The following ASGR1 variants were observed in gnomAD, a reference collection of about 807,000 sequenced individuals.
ASGR1 encodes the protein asialoglycoprotein receptor 1.
ASGR1 carries 35 observed loss-of-function variants against 33.1 expected under a neutral mutation model. That is an observed-to-expected ratio of 1.06 (90% CI 0.81 to 1.40). The LOEUF (loss-of-function observed/expected upper bound fraction) is 1.40. Ranked by LOEUF, ASGR1 falls within the 40% of genes most tolerant of loss-of-function variation. The pLI is 0.00. For missense variants in ASGR1, 396 were observed against 373.7 expected, an observed-to-expected ratio of 1.06 and a Z score of -0.49; for synonymous variants, 142 against 152.5, an observed-to-expected ratio of 0.93 and a Z score of 0.51.
intron 5 of ASGR1, among the ~76,000 whole-genome samples, chr17:7,175,662 CAT>C (rs556730714): frequency 1.0e-3 from 154 of 151,190 alleles, no homozygotes; most frequent in African/African-American, 3.2e-3. Context: ...TTCTCACACA[CAT>C]AAACACAGAC....
chr17:7,174,982 TAC>T (rs2142761342), intron 5 of ASGR1, among the ~76,000 whole-genome samples: 1 of 110,294 alleles, frequency 9.1e-6, no homozygotes, highest in Admixed American at 9.0e-5. Context: ...TACACACACA[TAC>T]ATAGACACAA....
At chr17:7,176,482 CACTCTA>C in intron 5 of ASGR1, 1 of 441,374 alleles carries the variant, frequency 2.3e-6, no homozygotes, top group Non-Finnish European at 4.1e-6. Flanking sequence ...GTCTCACACA[CACTCTA>C]TCTCATTCTC....
intron 5 of ASGR1, among the ~76,000 whole-genome samples, chr17:7,175,459 CAT>C (rs2069186291): frequency 6.7e-6 from 1 of 149,820 alleles, no homozygotes; most frequent in African/African-American, 2.5e-5. Flanking sequence ...CACACCCACA[CAT>C]ACAACACACC....
chr17:7,174,541 T>A, intron 5 of ASGR1, 81 bp from the exon 6 acceptor site: 2 of 1,450,074 alleles, frequency 1.4e-6, no homozygotes, highest in Admixed American at 2.0e-5. Flanking sequence ...CAGCCCTACA[T>A]CCTCCTGCTG....
At chr17:7,174,655 C>G (rs113135418) in intron 5 of ASGR1, among the ~76,000 whole-genome samples, 195 bp from the exon 6 acceptor site, 3,000 of 150,958 alleles carry the variant, frequency 0.02, 48 homozygotes, top group South Asian at 0.081. Flanking sequence ...CACACCCTTA[C>G]ACACACACTC....
Position 7,173,848 on chromosome 17 carries a change from A to G in ASGR1, c.702-15T>C. 6.2e-7 allele frequency: 1 copy of G among 1,608,360 alleles called. No homozygotes were observed. Among genetic ancestry groups the G allele is most frequent in the Non-Finnish European group, 8.5e-7 (1 of 1,178,078 alleles). On this transcript the variant is annotated splice_polypyrimidine_tract_variant and intron_variant, in intron 8 of 8. Transcript: ENST00000269299. This position sits in a 1 kb window ranked among gnomAD's most constrained non-coding sequence, Gnocchi z 4.7. ...GCCTCCAGTTCCTGGGGACAGAGCC[A>G]GCTGTGGGCCCCAGGAGGTCGGATC...
At chr17:7,177,493 A>C (rs2069232046) in intron 2 of ASGR1, 167 bp from the exon 3 acceptor site, 3 of 591,182 alleles carry the variant, frequency 5.1e-6, no homozygotes, top group Admixed American at 6.1e-5. Flanking sequence ...GGCAACTGGA[A>C]ATCGGGGAGA....
Position 7,173,975 on chromosome 17 carries a change from G to A in ASGR1, c.687C>T (p.Tyr229=), listed in dbSNP as rs1317559592. ...CGCGCACTCACTTGAAGCCCGTCTC[G>A]TAGTCCGTCCCGTCCACCCACTTCC... ...GPWKWVDGTD[Y]ETGFKNWRPE... The change falls in exon 8 of 9, where the codon TAC becomes TAT. Residue 229 remains tyrosine (Y), a synonymous_variant. Coordinates refer to ENST00000269299, the MANE Select transcript of ASGR1 (RefSeq NM_001671.5). The surrounding 1 kb of genome is among the most constrained non-coding windows in gnomAD (Gnocchi z 4.7). The A allele has an allele frequency of 6.2e-7, 1 of 1,614,090 alleles. No individual in the cohort carries two copies. Among genetic ancestry groups the A allele is most frequent in the Non-Finnish European group, 8.5e-7 (1 of 1,180,018 alleles).
rs746240744 is a variant in ASGR1 at position 7,173,621 on chromosome 17, C to T, written c.*38G>A. On this transcript the variant is annotated 3_prime_UTR_variant, in exon 9 of 9. Transcript: ENST00000269299. The surrounding 1 kb of genome is among the most constrained non-coding windows in gnomAD (Gnocchi z 4.7). ...CCCCAGATGGGCGGATTCCCAATCC[C>T]GGACCCCTGCGGCAGGTCGAGGCAT... 3 of 1,610,782 alleles carry T rather than the reference C, an allele frequency of 1.9e-6. No individual in the cohort carries two copies. The highest frequency in any genetic ancestry group is 2.2e-5 in the East Asian group (1 of 44,858).
rs2069199466 is a variant in ASGR1, at chr17:7,176,072, TC to T, written c.355+757del. ...CACACAGACTCACACACCCATCCAC[TC>T]CTTCTCATTCTCACACTCACACACA... On this transcript the variant is annotated intron_variant, in intron 5 of 8. Coordinates refer to ENST00000269299, the MANE Select transcript of ASGR1 (RefSeq NM_001671.5). Among the ~76,000 whole-genome samples, 6 of 142,692 alleles carry T rather than the reference TC, an allele frequency of 4.2e-5. 1 individual carries two copies. Among genetic ancestry groups the T allele is most frequent in the Admixed American group, 4.2e-4 (6 of 14,426 alleles). The allele number at this position is 142,692 out of a possible 152,430, so 93.6% of individuals were successfully genotyped here.
rs146843548 is a variant in ASGR1 at position 7,174,612 on chromosome 17, T to TACAC, written c.356-156_356-153dup. 1,116 of 624,606 alleles carry TACAC rather than the reference T, an allele frequency of 1.8e-3. 3 individuals are homozygous for TACAC. The highest frequency in any genetic ancestry group is 0.015 in the African/African-American group (823 of 53,340). 38.7% of individuals were successfully genotyped at this position (624,606 alleles called of 1,614,324 possible). A position where few individuals can be genotyped will look rare whatever the true frequency, so the allele number is the denominator to read the frequency against. On this transcript the variant is annotated intron_variant, in intron 5 of 8. Coordinates refer to ENST00000269299, the MANE Select transcript of ASGR1 (RefSeq NM_001671.5). ...GCGGAGTTGGCCTGAGAGACCCCCATACACACACACACACACACTCCTACA... is the reference window on the plus strand; with the variant it reads ...GCGGAGTTGGCCTGAGAGACCCCCATACACACACACACACACACACACTCCTACA...
intron 7 of ASGR1, 32 bp from the exon 8 acceptor site, chr17:7,174,099 C>G: frequency 6.2e-7 from 1 of 1,614,098 alleles, no homozygotes; most frequent in East Asian, 2.2e-5. Context: ...GGTGATCTCT[C>G]CGAGGCCAGC....
Position 7,179,336 on chromosome 17 carries a change from T to C in ASGR1, c.-172A>G, listed in dbSNP as rs1482378647. The C allele has an allele frequency of 6.6e-6, 1 of 152,080 alleles. No individual in the cohort carries two copies. The highest frequency in any genetic ancestry group is 1.5e-5 in the Non-Finnish European group (1 of 68,118). The allele number at this position is 152,080 out of a possible 1,614,324, so 9.4% of individuals were successfully genotyped here. On this transcript the variant is annotated 5_prime_UTR_variant, in exon 1 of 9. Coordinates refer to ENST00000269299, the MANE Select transcript of ASGR1 (RefSeq NM_001671.5). ...GCGGGCAGGGTCCATAGGAGGGCCC[T>C]GGGCCCCGGTGTCTCTGTGTCTGCG... is the stretch of plus-strand genomic sequence containing the variant.
Position 7,173,790 on chromosome 17 carries a change from GC to G in ASGR1, c.744del (p.Leu249SerfsTer84). 6.2e-7 allele frequency: 1 copy of G among 1,612,550 alleles called. No homozygotes were observed. Among genetic ancestry groups the G allele is most frequent in the Non-Finnish European group, 8.5e-7 (1 of 1,179,892 alleles). ...TGGGCACAGTCCTCGCCTCCTCCGA[GC>G]CCGTGGCCGTACCAGTCGTCCGGCT... is the stretch of plus-strand genomic sequence containing the variant. The part of the protein sequence containing the change: ...PEQPDDWYGH[G>X]LGGGEDCAHF... On this transcript the variant is annotated frameshift_variant, in exon 9 of 9. Transcript: ENST00000269299. LOFTEE classifies it low-confidence loss of function (END_TRUNC). This position sits in a 1 kb window ranked among gnomAD's most constrained non-coding sequence, Gnocchi z 4.7.
At chr17:7,178,750 T>C (rs1434943098) in intron 1 of ASGR1, 162 bp from the exon 2 acceptor site, 1 of 523,736 alleles carries the variant, frequency 1.9e-6, no homozygotes, top group Admixed American at 3.4e-5. Context: ...TTTTTTTTTT[T>C]TTTTTGAGAG....
chr17:7,175,786 C>T (rs1034913432), intron 5 of ASGR1, among the ~76,000 whole-genome samples: 2 of 147,768 alleles, frequency 1.4e-5, no homozygotes, highest in African/African-American at 5.0e-5. Context: ...CAGGCTCTCA[C>T]ACACACACAC....
rs2069157473 is a variant in ASGR1, at chr17:7,173,436, G to A, written c.*223C>T. ...ACCAGACAACTAACAGAAGGTTTAG[G>A]TATATTTCTTTTTACTCTTAAAAAA... On this transcript the variant is annotated 3_prime_UTR_variant, in exon 9 of 9. Transcript: ENST00000269299. The surrounding 1 kb of genome is among the most constrained non-coding windows in gnomAD (Gnocchi z 4.7). 8.7e-6 allele frequency: 5 copies of A among 577,768 alleles called. No homozygotes were observed. Among genetic ancestry groups the A allele is most frequent in the Non-Finnish European group, 1.5e-5 (5 of 339,126 alleles). The allele number at this position is 577,768 out of a possible 1,614,324, so 35.8% of individuals were successfully genotyped here. A position where few individuals can be genotyped will look rare whatever the true frequency, so the allele number is the denominator to read the frequency against.
intron 5 of ASGR1, chr17:7,176,497 TCA>T (rs1273387278): frequency 1.4e-5 from 6 of 430,160 alleles, no homozygotes; most frequent in East Asian, 4.8e-5. Context: ...TATCTCATTC[TCA>T]CACTCAGACA....
chr17:7,176,875 A>C lies in ASGR1; in HGVS notation c.310T>G (p.Ser104Ala), dbSNP rs1302268245. 1 of 1,612,550 alleles carries C rather than the reference A, an allele frequency of 6.2e-7. No homozygotes were observed. The highest frequency in any genetic ancestry group is 8.5e-7 in the Non-Finnish European group (1 of 1,179,902). The change falls in exon 5 of 9, where the codon TCG becomes GCG. Residue 104 changes from serine to alanine, a missense_variant. Transcript: ENST00000269299. The stretch of plus-strand genomic sequence containing the variant: ...TGTTTCTCCAGCTGGGACTCTAGCG[A>C]CTTCATCTTTCTTCCCACATTGCCT... ...QGGNVGRKMK[S>A]LESQLEKQQK...
Sources: gnomAD v4.1 joint callset for allele counts (sites outside exome capture counted in the v4.1 genomes callset) on GRCh38, gnomAD v4.1.1 for gene constraint, Gnocchi (gnomAD v3.1) non-coding constraint, MANE v1.5 for transcripts, NCBI Gene and HGNC (gene_info 2026-07-23, HGNC 2026-07-21) for gene names.